Variants in STPG2 observed in about 807,000 individuals in gnomAD.
STPG2 encodes the protein sperm tail PG-rich repeat containing 2.
Under a neutral mutation model 54.2 loss-of-function variants are expected in STPG2, and 56 were observed. The ratio of observed to expected loss-of-function variants is 1.03; its 90% CI spans 0.83 to 1.29. STPG2 has a LOEUF of 1.29. Among genes scored for constraint, STPG2 ranks in the 50% most tolerant of loss-of-function variants. The pLI, the probability that STPG2 is intolerant of heterozygous loss-of-function variation, is 0.00. For missense variants in STPG2, 596 were observed against 544.9 expected, an observed-to-expected ratio of 1.09 and a Z score of -0.93; for synonymous variants, 200 against 181.8, an observed-to-expected ratio of 1.10 and a Z score of -0.81.
intron 8 of STPG2, among the ~76,000 whole-genome samples, chr4:97,862,106 C>A (rs1195146953): frequency 6.6e-6 from 1 of 151,860 alleles, no homozygotes; most frequent in Non-Finnish European, 1.5e-5. Context: ...CTAAATTACC[C>A]AATTAAAAGA....
At chr4:97,690,781 AAAAG>A (rs1288286390) in intron 10 of STPG2, among the ~76,000 whole-genome samples, 1 of 152,194 alleles carries the variant, frequency 6.6e-6, no homozygotes, top group African/African-American at 2.4e-5. Context: ...CTGCATTAAA[AAAAG>A]AAAGAAACAG....
intron 4 of STPG2, among the ~76,000 whole-genome samples, chr4:97,552,280 G>C (rs1731982576): frequency 6.6e-6 from 1 of 151,988 alleles, no homozygotes; most frequent in African/African-American, 2.4e-5. Context: ...ACATAAAGTT[G>C]TTGTGAGAAG....
intron 5 of STPG2, among the ~76,000 whole-genome samples, chr4:98,061,659 A>G (rs1426124089): frequency 1.3e-5 from 2 of 152,236 alleles, no homozygotes; most frequent in African/African-American, 4.8e-5. Flanking sequence ...AAGTCTCAAA[A>G]GAAGACATAC....
In STPG2 at chr4:97,528,557, G is replaced by A. The variant is rs201407271; in HGVS notation, c.462+184142C>T. On this transcript the variant is annotated intron_variant, in intron 4 of 4. Transcript: ENST00000522676. ...TAAGAAAGCCAATGGTACCTTGATGGGGATAGCATTAAATCTATAAATTAC... is the reference window on the plus strand; with the variant it reads ...TAAGAAAGCCAATGGTACCTTGATGAGGATAGCATTAAATCTATAAATTAC... 9.2e-5 allele frequency among the ~76,000 whole-genome samples: 14 copies of A among 152,124 alleles called. No homozygotes were observed. In the East Asian group the frequency reaches 2.7e-3, roughly 29 times the overall value.
At chr4:97,974,395 T>G (rs968600189) in intron 6 of STPG2, among the ~76,000 whole-genome samples, 3 of 152,230 alleles carry the variant, frequency 2.0e-5, no homozygotes, top group Non-Finnish European at 2.9e-5. Flanking sequence ...TAATGCTGAA[T>G]GAGTTAAGAC....
chr4:97,887,725 A>G (rs575743790), intron 8 of STPG2, among the ~76,000 whole-genome samples: 1 of 152,344 alleles, frequency 6.6e-6, no homozygotes, highest in South Asian at 2.1e-4. Flanking sequence ...GAATTTGCAT[A>G]ACCGAAAAGG....
At chr4:97,691,614 G>T (rs1347722256) in intron 10 of STPG2, among the ~76,000 whole-genome samples, 1 of 152,054 alleles carries the variant, frequency 6.6e-6, no homozygotes. Context: ...CAAGAAAAAA[G>T]ACTTAATCCC....
Position 97,590,678 on chromosome 4 carries a change from G to C in STPG2, c.1321-31561C>G, listed in dbSNP as rs1285545194. 4.4e-4 allele frequency among the ~76,000 whole-genome samples: 53 copies of C among 120,292 alleles called. 1 individual carries two copies. Among genetic ancestry groups the C allele is most frequent in the South Asian group, 9.6e-4 (3 of 3,120 alleles). 78.9% of individuals were successfully genotyped at this position (120,292 alleles called of 152,430 possible). ...ACACACACACACACACACACAGAGAGAAACATTAAAGGACCAACAAAGAAG... is the reference window on the plus strand; with the variant it reads ...ACACACACACACACACACACAGAGACAAACATTAAAGGACCAACAAAGAAG... On this transcript the variant is annotated intron_variant, in intron 10 of 10. Coordinates refer to ENST00000295268, the MANE Select transcript of STPG2 (RefSeq NM_174952.3).
chr4:97,697,224 A>T (rs1455695683), intron 10 of STPG2, among the ~76,000 whole-genome samples: 1 of 152,184 alleles, frequency 6.6e-6, no homozygotes, highest in Non-Finnish European at 1.5e-5. Context: ...GTGGGAGCTA[A>T]ATATAAGGAT....
chr4:97,472,274 G>T lies in STPG2; in HGVS notation c.462+240425C>A, dbSNP rs139181216. ...AAATCTGAACTGTAATTGATGAATT[G>T]CTGGAAGCTCAGTGTGGACAAGTTT... On this transcript the variant is annotated intron_variant, in intron 4 of 4. Transcript: ENST00000522676. Among the ~76,000 whole-genome samples the T allele has an allele frequency of 1.8e-3, 276 of 152,312 alleles. 1 individual carries two copies. The highest frequency in any genetic ancestry group is 6.3e-3 in the African/African-American group (263 of 41,574).
At chr4:97,513,915 T>A (rs17026741) in intron 4 of STPG2, among the ~76,000 whole-genome samples, 1 of 151,892 alleles carries the variant, frequency 6.6e-6, no homozygotes, top group Non-Finnish European at 1.5e-5. Flanking sequence ...CAAAAAAGAA[T>A]TGAGGAAATT....
intron 7 of STPG2, among the ~76,000 whole-genome samples, chr4:97,944,916 T>G (rs1414150657): frequency 6.6e-6 from 1 of 152,198 alleles, no homozygotes; most frequent in Non-Finnish European, 1.5e-5. Context: ...TATAGGTAGC[T>G]TCTATCACTT....
intron 4 of STPG2, among the ~76,000 whole-genome samples, chr4:97,531,478 A>G (rs899267261): frequency 6.6e-6 from 1 of 152,216 alleles, no homozygotes; most frequent in African/African-American, 2.4e-5. Context: ...CAGCAGATGA[A>G]ATAATAAAGC....
In STPG2 at chr4:97,455,995, C is replaced by T. The variant is rs189808330; in HGVS notation, c.462+256704G>A. ...GAATGTTTCCCGTGTCAATATTTTA[C>T]ATACAACAATATCAAAGGCATAGTC... On this transcript the variant is annotated intron_variant, in intron 4 of 4. Transcript: ENST00000522676. Among the ~76,000 whole-genome samples, 9 of 152,304 alleles carry T rather than the reference C, an allele frequency of 5.9e-5. No homozygotes were observed. In the East Asian group the frequency reaches 1.7e-3, roughly 29 times the overall value.
At chr4:98,133,966 G>T (rs1321387252) in intron 2 of STPG2, among the ~76,000 whole-genome samples, 1 of 151,870 alleles carries the variant, frequency 6.6e-6, no homozygotes, top group Non-Finnish European at 1.5e-5. Context: ...TGAGACAATG[G>T]CAATGGCTAT....
At chr4:97,615,436 C>G (rs1241745145) in intron 10 of STPG2, among the ~76,000 whole-genome samples, 1 of 151,906 alleles carries the variant, frequency 6.6e-6, no homozygotes, top group Non-Finnish European at 1.5e-5. Flanking sequence ...CTTTCCCATT[C>G]ACTGTTTTAA....
rs558603312 is a variant in STPG2, at chr4:97,565,129, G to A, written c.1321-6012C>T. Among the ~76,000 whole-genome samples the A allele has an allele frequency of 3.6e-3, 542 of 152,012 alleles. 4 individuals are homozygous for A. Among genetic ancestry groups the A allele is most frequent in the African/African-American group, 0.012 (497 of 41,492 alleles). ...CCCATATTTCTTGGAGGCTTTGTTC[G>A]TTTCTTTTTATTCTTTTTTCTCTAA... On this transcript the variant is annotated intron_variant, in intron 10 of 10. Coordinates refer to ENST00000295268, the MANE Select transcript of STPG2 (RefSeq NM_174952.3).
chr4:98,108,857 T>C (rs1739261600), intron 4 of STPG2, among the ~76,000 whole-genome samples: 2 of 151,914 alleles, frequency 1.3e-5, no homozygotes, highest in African/African-American at 4.8e-5. Flanking sequence ...AAGATTTGGC[T>C]TATAAAAAAA....
chr4:97,884,718 G>C (rs1465301931), intron 8 of STPG2, among the ~76,000 whole-genome samples: 2 of 151,916 alleles, frequency 1.3e-5, no homozygotes, highest in Non-Finnish European at 2.9e-5. Flanking sequence ...GAAAAAGTAA[G>C]GGCCAAAAAA....
Sources: allele counts gnomAD v4.1 joint callset (sites outside exome capture counted in the v4.1 genomes callset), GRCh38; gene constraint gnomAD v4.1.1; transcripts MANE v1.5; gene names NCBI Gene and HGNC (gene_info 2026-07-23, HGNC 2026-07-21).